LAMC3: variants seen among roughly 807,000 people sequenced by gnomAD.
The protein encoded by LAMC3 is laminin subunit gamma 3.
A neutral mutation model predicts 173.8 loss-of-function variants in LAMC3; 128 were observed. The ratio of observed to expected loss-of-function variants is 0.74; its 90% CI spans 0.64 to 0.85. The LOEUF (loss-of-function observed/expected upper bound fraction) is 0.85. LAMC3 is among the 40% of genes least tolerant of loss of function. The probability of loss-of-function intolerance (pLI) is 0.00; values close to 1 mark genes in which losing one functional copy is unlikely to be tolerated. For missense variants in LAMC3, 2,022 were observed against 2,156.0 expected (o/e 0.94, Z 1.23); for synonymous variants, 897 against 909.1 (o/e 0.99, Z 0.24).
chr9:131,071,357 G>A lies in LAMC3; in HGVS notation c.3070-127G>A. 6.5e-6 allele frequency: 7 copies of A among 1,084,232 alleles called. No individual in the cohort carries two copies. The South Asian group carries it at 1.0e-4, about 16-fold the overall frequency. 67.2% of individuals were successfully genotyped at this position (1,084,232 alleles called of 1,614,324 possible). A position where few individuals can be genotyped will look rare whatever the true frequency, so the allele number is the denominator to read the frequency against. Reference sequence around the variant, plus strand: ...AGAGGTGTGGCATACCCTTAGCGCTGAGGCCCAGGGGAGGATTTGGAGAAG... The same window carrying A: ...AGAGGTGTGGCATACCCTTAGCGCTAAGGCCCAGGGGAGGATTTGGAGAAG... On this transcript the variant is annotated intron_variant, in intron 17 of 27. Transcript: ENST00000361069.
intron 25 of LAMC3, among the ~76,000 whole-genome samples, chr9:131,086,389 GGT>G (rs1269748144): frequency 4.0e-5 from 2 of 49,668 alleles, no homozygotes; most frequent in African/African-American, 1.3e-4. Flanking sequence ...AAGGGTTTTT[GGT>G]TTTGTTTTTT....
In LAMC3 at chr9:131,052,477, T is replaced by C. The variant is rs1564376865; in HGVS notation, c.1631-14T>C. 1 of 1,610,718 alleles carries C rather than the reference T, an allele frequency of 6.2e-7. No homozygotes were observed. The highest frequency in any genetic ancestry group is 8.5e-7 in the Non-Finnish European group (1 of 1,176,938). On this transcript the variant is annotated splice_polypyrimidine_tract_variant and intron_variant, in intron 9 of 27. Coordinates refer to ENST00000361069, the MANE Select transcript of LAMC3 (RefSeq NM_006059.4). Reference sequence around the variant, plus strand: ...CATATGAAGACTGTCAAAGCCTTCTTCTCTTGTCTTCAGAGAAGTTCCTGG... The same window carrying C: ...CATATGAAGACTGTCAAAGCCTTCTCCTCTTGTCTTCAGAGAAGTTCCTGG...
In LAMC3 at chr9:131,052,548, G is replaced by A. The variant is rs150171154; in HGVS notation, c.1688G>A (p.Arg563Gln). ...GGGCAGCCCCTCATACTGACCTTCCGGGTGCCCCCCGGGGACTCCCCACTC... is the reference window on the plus strand; with the variant it reads ...GGGCAGCCCCTCATACTGACCTTCCAGGTGCCCCCCGGGGACTCCCCACTC... ...SYGQPLILTF[R>Q]VPPGDSPLPV... Residue 563 changes from arginine (R) to glutamine (Q), a missense_variant, in exon 10 of 28, where the codon CGG (arginine) becomes CAG (glutamine). Transcript: ENST00000361069. The A allele has an allele frequency of 1.4e-4, 231 of 1,614,140 alleles. 1 individual carries two copies. In the Middle Eastern group the frequency reaches 7.3e-3, roughly 51 times the overall value.
chr9:131,011,642 G>A (rs1167799598), intron 1 of LAMC3, among the ~76,000 whole-genome samples: 2 of 151,502 alleles, frequency 1.3e-5, no homozygotes, highest in African/African-American at 2.4e-5. Flanking sequence ...TGAATGGGAC[G>A]AGGGGGAGGG....
rs562665772 is a variant in LAMC3 at position 131,020,938 on chromosome 9, A to G, written c.374-5347A>G. 5.1e-4 allele frequency among the ~76,000 whole-genome samples: 77 copies of G among 152,154 alleles called. No homozygotes were observed. In the South Asian group the frequency reaches 0.011, roughly 21 times the overall value. On this transcript the variant is annotated intron_variant, in intron 1 of 27. Transcript: ENST00000361069. ...AAGTGCTGGATCATATGGCAATTCT[A>G]TTCTTAGGTTTTTTGATGTTTTTTT...
chr9:131,064,520 G>A (rs956586178), intron 13 of LAMC3, among the ~76,000 whole-genome samples: 3 of 151,902 alleles, frequency 2.0e-5, no homozygotes, highest in Non-Finnish European at 4.4e-5. Context: ...AAAATTAGCC[G>A]GGCGAGGTGG....
chr9:131,030,994 C>T (rs1311415990), intron 2 of LAMC3, among the ~76,000 whole-genome samples: 1 of 152,258 alleles, frequency 6.6e-6, no homozygotes, highest in East Asian at 1.9e-4. Flanking sequence ...ACAAGCTTAG[C>T]TTGGTGCAGA....
chr9:131,039,956 T>A (rs1043657686), intron 6 of LAMC3, among the ~76,000 whole-genome samples: 13 of 150,866 alleles, frequency 8.6e-5, no homozygotes, highest in South Asian at 4.2e-4. Context: ...ATTGAGAAAG[T>A]ATACAATGGC....
At chr9:131,066,403 A>G (rs534138981) in intron 13 of LAMC3, among the ~76,000 whole-genome samples, 52 of 151,898 alleles carry the variant, frequency 3.4e-4, no homozygotes, top group African/African-American at 9.9e-4. Context: ...AGGCAGGAGA[A>G]TTGCTTGAAC....
chr9:131,061,233 TCCTGCCCCGGAGC>T lies in LAMC3; in HGVS notation c.2347+20_2347+32del, dbSNP rs752514431. On this transcript the variant is annotated intron_variant, in intron 13 of 27. Transcript: ENST00000361069. ...CCCCCGGGCCAGAGAGGTAAGTGACTCCTGCCCCGGAGCCCTGCCCCGCAGAGGGCCAAGCCCC... is the reference window on the plus strand; with the variant it reads ...CCCCCGGGCCAGAGAGGTAAGTGACTCCTGCCCCGCAGAGGGCCAAGCCCC... 1.2e-4 allele frequency: 196 copies of T among 1,600,100 alleles called. No individual in the cohort carries two copies. Among genetic ancestry groups the T allele is most frequent in the Middle Eastern group, 1.7e-4 (1 of 6,016 alleles).
At chr9:131,073,944 C>CTTTTTTTTTTT (rs57877574) in intron 20 of LAMC3, among the ~76,000 whole-genome samples, 10 of 90,826 alleles carry the variant, frequency 1.1e-4, no homozygotes, top group East Asian at 5.6e-4. Flanking sequence ...CTTTTCTTTT[C>CTTTTTTTTTTT]TTTTTTTTTT....
Position 131,026,687 on chromosome 9 carries a change from C to G in LAMC3, c.678+98C>G, listed in dbSNP as rs1833723982. The G allele has an allele frequency of 1.4e-6, 2 of 1,433,332 alleles. No individual in the cohort carries two copies. The highest frequency in any genetic ancestry group is 2.9e-5 in the African/African-American group (2 of 69,698). The allele number at this position is 1,433,332 out of a possible 1,614,324, so 88.8% of individuals were successfully genotyped here. ...TGCCAGGACACACAGGGTGGGGGACCTGCAAAACCCCATGGTTTTCTTTTT... is the reference window on the plus strand; with the variant it reads ...TGCCAGGACACACAGGGTGGGGGACGTGCAAAACCCCATGGTTTTCTTTTT... On this transcript the variant is annotated intron_variant, in intron 2 of 27. Transcript: ENST00000361069. This position sits in a 1 kb window ranked among gnomAD's most constrained non-coding sequence, Gnocchi z 4.8.
At chr9:131,090,602 C>T (rs1830407578) in intron 27 of LAMC3, among the ~76,000 whole-genome samples, 1 of 152,142 alleles carries the variant, frequency 6.6e-6, no homozygotes, top group Admixed American at 6.5e-5. Context: ...TAGAAGCAGC[C>T]ACTTGGGGCT....
At position 131,026,267 on chromosome 9, in the gene LAMC3, C is replaced by T. The variant is rs1225826698; in HGVS notation, c.374-18C>T. ...TCCTTCCCCTTCCATAAAATGGGCC[C>T]CGTTTTCCTGGCTGCAGGGAAGGCT... On this transcript the variant is annotated intron_variant, in intron 1 of 27. Coordinates refer to ENST00000361069, the MANE Select transcript of LAMC3 (RefSeq NM_006059.4). The surrounding 1 kb of genome is among the most constrained non-coding windows in gnomAD (Gnocchi z 4.8). 6.2e-7 allele frequency: 1 copy of T among 1,613,814 alleles called. No individual in the cohort carries two copies. Among genetic ancestry groups the T allele is most frequent in the Non-Finnish European group, 8.5e-7 (1 of 1,179,990 alleles).
chr9:131,067,039 G>C lies in LAMC3; in HGVS notation c.2427G>C (p.Gln809His). 1 of 1,614,108 alleles carries C rather than the reference G, an allele frequency of 6.2e-7. No individual in the cohort carries two copies. The highest frequency in any genetic ancestry group is 8.5e-7 in the Non-Finnish European group (1 of 1,180,016). The stretch of plus-strand genomic sequence containing the variant: ...TTGGGCACCCCCAGCCCTGCCACCA[G>C]TGCCAGTGTAGCGGGAACGTGGACC... ...GLFGHPQPCH[Q>H]CQCSGNVDPN... is the part of the protein sequence containing the mutation. Residue 809 changes from glutamine (Q) to histidine (H), a missense_variant, in exon 14 of 28, where the codon CAG becomes CAC. Physicochemically the swap from Gln to His is conservative, Grantham distance 24 (BLOSUM62 0). Transcript: ENST00000361069.
chr9:131,035,361 C>A (rs2133244959), intron 3 of LAMC3, among the ~76,000 whole-genome samples: 1 of 152,200 alleles, frequency 6.6e-6, no homozygotes, highest in Non-Finnish European at 1.5e-5. Flanking sequence ...AACTTACAAT[C>A]ATGGCGGAAA....
intron 21 of LAMC3, among the ~76,000 whole-genome samples, chr9:131,076,193 C>T (rs1342996709): frequency 1.3e-5 from 2 of 152,136 alleles, no homozygotes; most frequent in Non-Finnish European, 2.9e-5. Flanking sequence ...AACTCAGCCT[C>T]TTCAAGAGAA....
At position 131,029,107 on chromosome 9, in the gene LAMC3, T is replaced by A. The variant is rs893431571; in HGVS notation, c.678+2518T>A. Among the ~76,000 whole-genome samples, 1 of 152,132 alleles carries A rather than the reference T, an allele frequency of 6.6e-6. No homozygotes were observed. The highest frequency in any genetic ancestry group is 1.5e-5 in the Non-Finnish European group (1 of 68,024). The stretch of plus-strand genomic sequence containing the variant: ...CGCAAATCACATCATCCGCATAGAC[T>A]ACCTAGTGTGGCCCAAGGGAAGACC... On this transcript the variant is annotated intron_variant, in intron 2 of 27. Coordinates refer to ENST00000361069, the MANE Select transcript of LAMC3 (RefSeq NM_006059.4). This position sits in a 1 kb window ranked among gnomAD's most constrained non-coding sequence, Gnocchi z 4.6.
In LAMC3 at chr9:131,069,782, T is replaced by A; in HGVS notation, c.3001T>A (p.Phe1001Ile). Residue 1001 changes from phenylalanine to isoleucine, a missense_variant, in exon 17 of 28, where the codon TTC (phenylalanine) becomes ATC (isoleucine). Phe to Ile is a conservative substitution (Grantham distance 21, BLOSUM62 0). Transcript: ENST00000361069. The part of the protein sequence containing the change: ...GYKCDRCHDN[F>I]FLTADGTHCQ... ...CAAATGTGACCGCTGCCACGACAAC[T>A]TCTTCCTCACGGCAGACGGCACACA... The A allele has an allele frequency of 6.3e-7, 1 of 1,595,758 alleles. No individual in the cohort carries two copies. Among genetic ancestry groups the A allele is most frequent in the Non-Finnish European group, 8.5e-7 (1 of 1,171,306 alleles).
Sources: gnomAD v4.1 joint callset for allele counts (sites outside exome capture counted in the v4.1 genomes callset) on GRCh38, gnomAD v4.1.1 for gene constraint, Gnocchi (gnomAD v3.1) non-coding constraint, MANE v1.5 for transcripts, NCBI Gene and HGNC (gene_info 2026-07-23, HGNC 2026-07-21) for gene names.